KDM5C: variants seen among roughly 807,000 people sequenced by gnomAD.
The protein encoded by KDM5C is lysine demethylase 5C.
In KDM5C, 16 loss-of-function variants were observed where a neutral mutation model predicts 110.6. That is an observed-to-expected ratio of 0.14 (90% CI 0.10 to 0.22). The LOEUF (loss-of-function observed/expected upper bound fraction) is 0.22, where lower values mean the gene tolerates loss of function less well. Ranked by LOEUF, KDM5C falls within the 10% of genes least tolerant of loss-of-function variation. KDM5C has a pLI of 1.00. For missense variants in KDM5C, 681 were observed against 1,300.9 expected, an observed-to-expected ratio of 0.52 and a Z score of 7.33; for synonymous variants, 511 against 520.4, an observed-to-expected ratio of 0.98 and a Z score of 0.24.
At chrX:53,186,637 G>T (rs1232433169), downstream of KDM5C, among the ~76,000 whole-genome samples, 1 of 112,289 alleles carries the variant, frequency 8.9e-6, no homozygotes, top group Non-Finnish European at 1.9e-5. Flanking sequence ...GGTGACTAAG[G>T]GATACAATAT....
chrX:53,187,201 C>A (rs782705245), downstream of KDM5C, among the ~76,000 whole-genome samples: 6 of 110,736 alleles, frequency 5.4e-5, no homozygotes, highest in South Asian at 2.4e-3. Flanking sequence ...AACCTGCCAA[C>A]AGAACAGTAA....
At position 53,201,576 on chromosome X, in the gene KDM5C, G is replaced by T; in HGVS notation, c.2035C>A (p.Arg679Ser). 1 of 1,211,821 alleles carries T rather than the reference G, an allele frequency of 8.3e-7. No individual in the cohort carries two copies. Among genetic ancestry groups the T allele is most frequent in the Non-Finnish European group, 1.1e-6 (1 of 895,464 alleles). ...EMFIMVQEER[R>S]LRKALLEKGI... ...TTCTCCAGCAGGGCCTTTCGTAGAC[G>T]CCGCTCTTCTTGCACCATGATGAAC... The change falls in exon 14 of 26, where the codon CGT becomes AGT. Residue 679 changes from arginine to serine, a missense_variant. By Grantham distance (110) the Arg-to-Ser change is moderately radical (BLOSUM62 -1). Coordinates refer to ENST00000375401, the MANE Select transcript of KDM5C (RefSeq NM_004187.5).
Position 53,195,294 on chromosome X carries a change from G to A in KDM5C, c.3237C>T (p.His1079=). ...TCTTGGAGGCCTTCTCCCTCCAGGA[G>A]TGCGCTGTCAGTACCTGTAGCTCTA... is the stretch of plus-strand genomic sequence containing the variant. ...RQLELQVLTA[H]SWREKASKTF... The change falls in exon 21 of 26, where the codon CAC becomes CAT. Residue 1079 remains histidine, a synonymous_variant. Transcript: ENST00000375401. 1 of 1,205,627 alleles carries A rather than the reference G, an allele frequency of 8.3e-7. No homozygotes were observed. Among genetic ancestry groups the A allele is most frequent in the South Asian group, 1.8e-5 (1 of 55,719 alleles).
chrX:53,194,766 G>C (rs782100285), intron 22 of KDM5C, 28 bp from the exon 23 acceptor site: 18 of 1,206,346 alleles, frequency 1.5e-5, no homozygotes, highest in Non-Finnish European at 2.0e-5. Flanking sequence ...GGAGCAAAGT[G>C]GGTCAGCAGC....
At chrX:53,192,156 T>A (rs1286184522), downstream of KDM5C, 1 of 174,229 alleles carries the variant, frequency 5.7e-6, no homozygotes, top group Non-Finnish European at 1.1e-5. Flanking sequence ...TTCAGAAACA[T>A]GTTTCCAAAA....
intron 25 of KDM5C, among the ~76,000 whole-genome samples, chrX:53,183,743 A>T (rs781997192): frequency 4.6e-5 from 5 of 109,074 alleles, no homozygotes; most frequent in East Asian, 2.9e-4. Flanking sequence ...TAATTTTTTT[A>T]AATTATTTTT....
intron 12 of KDM5C, 103 bp downstream of exon 12, chrX:53,210,311 A>G: frequency 9.5e-7 from 1 of 1,048,595 alleles, no homozygotes; most frequent in East Asian, 3.1e-5. Context: ...CAATGAAGAA[A>G]GGCCAGGGGC....
rs1556833433 is a variant in KDM5C at position 53,193,917 on chromosome X, G to A, written c.4039-66C>T. On this transcript the variant is annotated intron_variant, in intron 23 of 25. Transcript: ENST00000375401. ...AAGAACCAGGCCCTATTCCTCCTCC[G>A]CCAACCCCAAACTTGAGACCCTCCG... 4.7e-6 allele frequency: 5 copies of A among 1,069,674 alleles called. No individual in the cohort carries two copies. In the African/African-American group the frequency reaches 7.3e-5, roughly 16 times the overall value. 88.2% of individuals were successfully genotyped at this position (1,069,674 alleles called of 1,213,427 possible). A position where few individuals can be genotyped will look rare whatever the true frequency, so the allele number is the denominator to read the frequency against.
At chrX:53,210,377 C>T (rs1458460776) in intron 12 of KDM5C, 37 bp downstream of exon 12, 2 of 1,206,481 alleles carry the variant, frequency 1.7e-6, no homozygotes, top group Admixed American at 4.4e-5. Flanking sequence ...ATCACTAAAT[C>T]ACTCCTGCCG....
chrX:53,203,167 T>C (rs782541405), intron 12 of KDM5C, among the ~76,000 whole-genome samples: 1 of 112,166 alleles, frequency 8.9e-6, no homozygotes, highest in Non-Finnish European at 1.9e-5. Context: ...AAAGGCACAC[T>C]GCTCTGATCT....
intron 12 of KDM5C, among the ~76,000 whole-genome samples, chrX:53,209,003 A>C (rs2073474407): frequency 9.6e-6 from 1 of 103,841 alleles, no homozygotes; most frequent in African/African-American, 3.6e-5. Flanking sequence ...TTTAGTAGAG[A>C]CTGGGGTTTC....
chrX:53,193,086 T>C lies in KDM5C; in HGVS notation c.4564A>G (p.Asn1522Asp). ...TCCGCCGGTTCCAAGCCATTCTGGT[T>C]CTCCTGGGTGCTGGGGCTGCCAGTG... Reference protein sequence around the residue: ...PTTGSPSTQENQNGLEPAEGT... With the variant: ...PTTGSPSTQEDQNGLEPAEGT... Residue 1522 changes from asparagine to aspartate, a missense_variant, in exon 26 of 26, where the codon AAC (asparagine) becomes GAC (aspartate). Physicochemically the swap from Asn to Asp is conservative, Grantham distance 23. Transcript: ENST00000375401. 8.3e-7 allele frequency: 1 copy of C among 1,209,180 alleles called. No individual in the cohort carries two copies.
chrX:53,217,465 C>CT (rs2073777812), intron 4 of KDM5C, among the ~76,000 whole-genome samples, 188 bp from the exon 5 acceptor site: 1 of 111,544 alleles, frequency 9.0e-6, no homozygotes, highest in Admixed American at 9.5e-5. Context: ...AGTACCTTTG[C>CT]TTGTATCACT....
chrX:53,212,903 AG>A (rs1556849720), intron 8 of KDM5C, among the ~76,000 whole-genome samples: 1 of 110,887 alleles, frequency 9.0e-6, no homozygotes, highest in East Asian at 2.9e-4. Flanking sequence ...CAGGAGGCTG[AG>A]GCAGGAGAAT....
rs782370813 is a variant in KDM5C at position 53,194,979 on chromosome X, T to C, written c.3390A>G (p.Thr1130=). The change falls in exon 22 of 26, where the codon ACA becomes ACG. Residue 1130 remains threonine (T), a synonymous_variant. Coordinates refer to ENST00000375401, the MANE Select transcript of KDM5C (RefSeq NM_004187.5). ...EKELGLYKSD[T]ELLGLSAQDL... ...CCTGCGCAGACAGCCCCAGCAGCTC[T>C]GTGTCAGATTTGTACAACCCCAGCT... The C allele has an allele frequency of 8.3e-7, 1 of 1,211,311 alleles. No individual in the cohort carries two copies. Among genetic ancestry groups the C allele is most frequent in the Non-Finnish European group, 1.1e-6 (1 of 895,220 alleles).
chrX:53,195,495 T>A (rs782536152), intron 20 of KDM5C, 85 bp from the exon 21 acceptor site: 5 of 913,510 alleles, frequency 5.5e-6, no homozygotes, highest in Non-Finnish European at 7.8e-6. Flanking sequence ...GCTGGAAAGA[T>A]GAACTGGGCT....
chrX:53,181,136 T>TA (rs200477132), intron 25 of KDM5C, among the ~76,000 whole-genome samples: 1,251 of 107,358 alleles, frequency 0.012, 9 homozygotes, highest in Middle Eastern at 0.065. Flanking sequence ...TATATATATA[T>TA]TTTTTTTTGT....
At chrX:53,179,359 GA>G (rs1400583918) in intron 25 of KDM5C, among the ~76,000 whole-genome samples, 1 of 111,000 alleles carries the variant, frequency 9.0e-6, no homozygotes, top group Admixed American at 9.6e-5. Flanking sequence ...AAGAGAATGA[GA>G]AAACAAACTA....
chrX:53,203,772 GTT>G (rs111759007), intron 12 of KDM5C, among the ~76,000 whole-genome samples: 1 of 99,284 alleles, frequency 1.0e-5, no homozygotes, highest in Admixed American at 1.1e-4. Context: ...TCAGTTTTTT[GTT>G]TTTTTTTTTT....
Sources: gnomAD v4.1 joint callset for allele counts (sites outside exome capture counted in the v4.1 genomes callset) on GRCh38, gnomAD v4.1.1 for gene constraint, MANE v1.5 for transcripts, NCBI Gene and HGNC (gene_info 2026-07-23, HGNC 2026-07-21) for gene names.